The following RFX4 variants were observed in gnomAD, a reference collection of about 807,000 sequenced individuals.
The protein encoded by RFX4 is regulatory factor X4.
A neutral mutation model predicts 95.0 loss-of-function variants in RFX4; 10 were observed. The ratio of observed to expected loss-of-function variants is 0.11; its 90% CI spans 0.06 to 0.18. The LOEUF (loss-of-function observed/expected upper bound fraction) is 0.18. Among genes scored for constraint, RFX4 ranks in the 10% least tolerant of loss-of-function variants. The probability of loss-of-function intolerance (pLI) is 1.00; values close to 1 mark genes in which losing one functional copy is unlikely to be tolerated. For missense variants in RFX4, 640 were observed against 922.0 expected, an observed-to-expected ratio of 0.69 and a Z score of 3.96; for synonymous variants, 321 against 340.7, an observed-to-expected ratio of 0.94 and a Z score of 0.64.
intron 13 of RFX4, among the ~76,000 whole-genome samples, chr12:106,725,611 GT>G (rs1424684041): frequency 6.6e-6 from 1 of 152,060 alleles, no homozygotes; most frequent in Non-Finnish European, 1.5e-5. Flanking sequence ...TTTAATAAAT[GT>G]TTAGCATATA....
At chr12:106,698,258 G>A (rs1371007977) in intron 8 of RFX4, among the ~76,000 whole-genome samples, 1 of 151,854 alleles carries the variant, frequency 6.6e-6, no homozygotes, top group Non-Finnish European at 1.5e-5. Context: ...ACAGACGTGA[G>A]CCCCCTACAC....
chr12:106,712,207 T>C (rs1171709243), intron 10 of RFX4, among the ~76,000 whole-genome samples: 1 of 152,246 alleles, frequency 6.6e-6, no homozygotes, highest in Admixed American at 6.5e-5. Context: ...GTTGTTTGGT[T>C]TGAATATGTT....
At chr12:106,676,821 C>T (rs2041401318) in intron 4 of RFX4, among the ~76,000 whole-genome samples, 1 of 152,200 alleles carries the variant, frequency 6.6e-6, no homozygotes, top group South Asian at 2.1e-4. Context: ...ATTCCTCAAA[C>T]ACACCCAATG....
At chr12:106,626,956 A>G (rs1286236124) in intron 2 of RFX4, among the ~76,000 whole-genome samples, 1 of 151,964 alleles carries the variant, frequency 6.6e-6, no homozygotes, top group Non-Finnish European at 1.5e-5. Flanking sequence ...GCATGTGTGC[A>G]TGTTTGTTGT....
At chr12:106,585,428 G>A (rs2039440967) in intron 1 of RFX4, among the ~76,000 whole-genome samples, 1 of 152,096 alleles carries the variant, frequency 6.6e-6, no homozygotes, top group Non-Finnish European at 1.5e-5. Context: ...CACCCTGAAC[G>A]CAAAATCAAA....
Position 106,697,978 on chromosome 12 carries a change from TA to T in RFX4, c.833+1533del, listed in dbSNP as rs1299989496. ...TTATAATTATTATAATTATTATTAT[TA>T]TTTTTTTTTTGAGACGGAGTTTTGC... On this transcript the variant is annotated intron_variant, in intron 8 of 17. Transcript: ENST00000392842. Among the ~76,000 whole-genome samples, 92 of 151,638 alleles carry T rather than the reference TA, an allele frequency of 6.1e-4. 1 individual carries two copies. The highest frequency in any genetic ancestry group is 1.9e-3 in the African/African-American group (79 of 41,388).
chr12:106,708,592 G>C (rs559441489), intron 8 of RFX4, among the ~76,000 whole-genome samples: 10 of 152,178 alleles, frequency 6.6e-5, no homozygotes, highest in Non-Finnish European at 1.5e-4. Flanking sequence ...GGCAAGGATG[G>C]ATGGTCAATG....
At chr12:106,723,256 A>G (rs2042428820) in intron 13 of RFX4, among the ~76,000 whole-genome samples, 1 of 152,206 alleles carries the variant, frequency 6.6e-6, no homozygotes, top group Non-Finnish European at 1.5e-5. Flanking sequence ...TTCTAGCAAA[A>G]TTAGTTACCA....
intron 1 of RFX4, among the ~76,000 whole-genome samples, chr12:106,597,558 A>C (rs989563252): frequency 6.6e-6 from 1 of 152,204 alleles, no homozygotes; most frequent in African/African-American, 2.4e-5. Flanking sequence ...GCTGTTACTG[A>C]TACTACTCCG....
intron 1 of RFX4, among the ~76,000 whole-genome samples, chr12:106,606,759 C>G (rs1325700899): frequency 6.6e-6 from 1 of 152,166 alleles, no homozygotes; most frequent in Non-Finnish European, 1.5e-5. Flanking sequence ...ATTTTGGAAG[C>G]AGCTTTTAAA....
At chr12:106,659,476 G>A (rs986329746) in intron 4 of RFX4, among the ~76,000 whole-genome samples, 12 of 152,198 alleles carry the variant, frequency 7.9e-5, no homozygotes, top group Admixed American at 5.9e-4. Context: ...TGCTCATGAC[G>A]TTGTCCAAGC....
intron 17 of RFX4, among the ~76,000 whole-genome samples, chr12:106,754,222 T>A (rs977724315): frequency 3.3e-5 from 5 of 152,178 alleles, no homozygotes; most frequent in African/African-American, 1.2e-4. Context: ...ATTATAGGTC[T>A]CCAACTGCGT....
intron 17 of RFX4, among the ~76,000 whole-genome samples, chr12:106,760,169 C>T (rs2043184097): frequency 6.6e-6 from 1 of 152,184 alleles, no homozygotes; most frequent in Admixed American, 6.5e-5. Flanking sequence ...AGTCTCTCTC[C>T]TCCTCGCTGC....
intron 1 of RFX4, among the ~76,000 whole-genome samples, chr12:106,584,641 TC>T (rs1400908941): frequency 6.6e-6 from 1 of 152,212 alleles, no homozygotes; most frequent in African/African-American, 2.4e-5. Context: ...GCTGGGGTCA[TC>T]GGGGCATTGC....
At chr12:106,757,848 C>T (rs1178794894) in intron 17 of RFX4, among the ~76,000 whole-genome samples, 4 of 152,164 alleles carry the variant, frequency 2.6e-5, no homozygotes, top group African/African-American at 9.7e-5. Flanking sequence ...AATAGATCTT[C>T]CTAATATGGT....
At chr12:106,753,483 G>A (rs573737640) in intron 17 of RFX4, among the ~76,000 whole-genome samples, 16 of 152,152 alleles carry the variant, frequency 1.1e-4, no homozygotes, top group East Asian at 3.9e-4. Context: ...CCTGTCTGAC[G>A]CGCACGGAGA....
At chr12:106,748,913 C>T (rs964039435) in intron 16 of RFX4, among the ~76,000 whole-genome samples, 2 of 152,044 alleles carry the variant, frequency 1.3e-5, no homozygotes, top group Admixed American at 6.6e-5. Context: ...GGTGAAACCC[C>T]GTCTCTACTA....
At chr12:106,608,670 G>A in intron 1 of RFX4, 127 bp from the exon 2 acceptor site, 2 of 882,952 alleles carry the variant, frequency 2.3e-6, no homozygotes, top group Non-Finnish European at 3.4e-6. Flanking sequence ...GATGCCACAT[G>A]AATATTGATG....
intron 4 of RFX4, among the ~76,000 whole-genome samples, chr12:106,662,816 A>T (rs150267213): frequency 1.3e-5 from 2 of 152,038 alleles, no homozygotes; most frequent in Non-Finnish European, 2.9e-5. Context: ...TGTTTAAAAG[A>T]TTATCTTTAC....
Sources: allele counts gnomAD v4.1 joint callset (sites outside exome capture counted in the v4.1 genomes callset), GRCh38; gene constraint gnomAD v4.1.1; transcripts MANE v1.5; gene names NCBI Gene and HGNC (gene_info 2026-07-23, HGNC 2026-07-21).